The following PRSS3 variants were observed in gnomAD, a reference collection of about 807,000 sequenced individuals.
PRSS3 encodes the protein serine protease 3.
In PRSS3, 14 loss-of-function variants were observed where a neutral mutation model predicts 20.8. The observed-to-expected ratio is 0.67, with a 90% CI of 0.44 to 1.05. The LOEUF is 1.05. Among genes scored for constraint, PRSS3 ranks in the 50% least tolerant of loss-of-function variants. The pLI, the probability that PRSS3 is intolerant of heterozygous loss-of-function variation, is 0.00. For synonymous variants in PRSS3, 91 were observed against 117.6 expected (o/e 0.77, Z 1.46); for missense variants, 237 against 306.4 (o/e 0.77, Z 1.69).
At chr9:33,768,946 T>C (rs1823565111) in intron 1 of PRSS3, among the ~76,000 whole-genome samples, 1 of 152,192 alleles carries the variant, frequency 6.6e-6, no homozygotes, top group South Asian at 2.1e-4. Context: ...TTGGTTGAAA[T>C]ATGAATGTTA....
At chr9:33,761,587 T>G (rs1418388329) in intron 1 of PRSS3, among the ~76,000 whole-genome samples, 3 of 152,018 alleles carry the variant, frequency 2.0e-5, no homozygotes, top group African/African-American at 7.3e-5. Context: ...ATGCCTGTAA[T>G]CCCAGCTACT....
intron 1 of PRSS3, among the ~76,000 whole-genome samples, chr9:33,780,113 G>T (rs549472668): frequency 6.6e-6 from 1 of 151,912 alleles, no homozygotes; most frequent in Admixed American, 6.6e-5. Context: ...ACACATAGTC[G>T]TCAGATTCAC....
chr9:33,776,233 C>T (rs560958255), intron 1 of PRSS3, among the ~76,000 whole-genome samples: 1 of 152,060 alleles, frequency 6.6e-6, no homozygotes, highest in Non-Finnish European at 1.5e-5. Flanking sequence ...TAGAAATGAT[C>T]CAATTTGAAA....
chr9:33,783,112 G>C lies in PRSS3; in HGVS notation c.-52-11634G>C, dbSNP rs998066091. ...CGTTATTCTGAGTGAAAGAAACTTTGCATAGAAGAGTGTATGATGTTATTC... is the reference window on the plus strand; with the variant it reads ...CGTTATTCTGAGTGAAAGAAACTTTCCATAGAAGAGTGTATGATGTTATTC... On this transcript the variant is annotated intron_variant, in intron 1 of 5. Coordinates refer to the PRSS3 transcript ENST00000342836. Among the ~76,000 whole-genome samples the C allele has an allele frequency of 7.2e-5, 11 of 152,148 alleles. 1 individual carries two copies. Among genetic ancestry groups the C allele is most frequent in the Non-Finnish European group, 1.5e-4 (10 of 68,020 alleles).
intron 1 of PRSS3, among the ~76,000 whole-genome samples, chr9:33,766,496 CG>C (rs1420829621): frequency 6.6e-6 from 1 of 152,032 alleles, no homozygotes; most frequent in Non-Finnish European, 1.5e-5. Flanking sequence ...TGGCGTGAAC[CG>C]GGGAGGTGGA....
intron 1 of PRSS3, among the ~76,000 whole-genome samples, chr9:33,757,700 TCAC>T (rs1222810661): frequency 6.6e-6 from 1 of 152,146 alleles, no homozygotes; most frequent in East Asian, 1.9e-4. Flanking sequence ...TGCAACTCCA[TCAC>T]CCAGAATAGT....
intron 1 of PRSS3, among the ~76,000 whole-genome samples, chr9:33,751,222 G>T (rs1169635034): frequency 6.6e-6 from 1 of 152,218 alleles, no homozygotes; most frequent in Non-Finnish European, 1.5e-5. Context: ...CTGGGCACTG[G>T]TACCCCGACT....
chr9:33,786,539 A>C (rs1824419772), intron 1 of PRSS3: 2 of 765,272 alleles, frequency 2.6e-6, no homozygotes, highest in East Asian at 4.8e-5. Context: ...CTCTGTGTTC[A>C]GTGCTGTCAT....
chr9:33,793,040 T>C (rs1300869557), upstream of PRSS3, among the ~76,000 whole-genome samples: 1 of 152,266 alleles, frequency 6.6e-6, no homozygotes, highest in Non-Finnish European at 1.5e-5. Flanking sequence ...TATAGCTATC[T>C]TCTCTGCCTG....
At position 33,796,693 on chromosome 9, in the gene PRSS3, G is replaced by A. The variant is rs1437207116; in HGVS notation, c.91G>A (p.Glu31Lys). 9.2e-6 allele frequency: 10 copies of A among 1,081,306 alleles called. No homozygotes were observed. Among genetic ancestry groups the A allele is most frequent in the Non-Finnish European group, 1.1e-5 (9 of 786,786 alleles). The allele number at this position is 1,081,306 out of a possible 1,614,324, so 67.0% of individuals were successfully genotyped here. Residue 31 changes from glutamate to lysine, a missense_variant, in exon 2 of 5, where the codon GAG becomes AAG. Transcript: ENST00000379405. Reference sequence around the variant, plus strand: ...CAAGATTGTTGGGGGCTACACCTGTGAGGAGAATTCTCTCCCCTACCAGGT... The same window carrying A: ...CAAGATTGTTGGGGGCTACACCTGTAAGGAGAATTCTCTCCCCTACCAGGT... ...DDKIVGGYTCEENSLPYQVSL... is the reference protein window; with the variant it reads ...DDKIVGGYTCKENSLPYQVSL...
At chr9:33,774,737 G>C (rs528416922) in intron 1 of PRSS3, among the ~76,000 whole-genome samples, 6 of 152,112 alleles carry the variant, frequency 3.9e-5, no homozygotes, top group Non-Finnish European at 7.4e-5. Context: ...TGTAATCCCA[G>C]CACTTTGGGA....
chr9:33,759,990 G>A (rs1464129552), intron 1 of PRSS3, among the ~76,000 whole-genome samples: 1 of 152,212 alleles, frequency 6.6e-6, no homozygotes. Flanking sequence ...AAGAGGTGGA[G>A]AAGGCAGAGA....
chr9:33,752,677 C>T (rs1373644480), intron 1 of PRSS3, among the ~76,000 whole-genome samples: 1 of 152,200 alleles, frequency 6.6e-6, no homozygotes, highest in Admixed American at 6.5e-5. Context: ...CCAGCCCTCT[C>T]CCCGAAACCT....
rs933358629 is a variant in PRSS3, at chr9:33,750,690, G to C, written c.-90G>C. The C allele has an allele frequency of 1.4e-6, 2 of 1,451,100 alleles. No homozygotes were observed. The highest frequency in any genetic ancestry group is 1.8e-6 in the Non-Finnish European group (2 of 1,107,530). The allele number at this position is 1,451,100 out of a possible 1,614,324, so 89.9% of individuals were successfully genotyped here. On this transcript the variant is annotated 5_prime_UTR_variant, in exon 1 of 6. Transcript: ENST00000342836. The surrounding 1 kb of genome is among the most constrained non-coding windows in gnomAD (Gnocchi z 4.8). ...TTCTGGGTGGACGCACTTGGCGAGC[G>C]GCGCGGGATGCAGACGGCTGCGAGG...
chr9:33,798,184 C>G (rs1309297713), intron 3 of PRSS3, 102 bp downstream of exon 3: 2 of 1,572,482 alleles, frequency 1.3e-6, no homozygotes, highest in Non-Finnish European at 1.7e-6. Context: ...GCTTAAGACA[C>G]ATTTCTAGTG....
chr9:33,797,662 C>T (rs1340366240), intron 2 of PRSS3, among the ~76,000 whole-genome samples, 167 bp from the exon 3 acceptor site: 1 of 152,276 alleles, frequency 6.6e-6, no homozygotes, highest in African/African-American at 2.4e-5. Flanking sequence ...CTGGGTCTCA[C>T]ACCTGCACTG....
intron 1 of PRSS3, among the ~76,000 whole-genome samples, chr9:33,772,632 A>G (rs1339990690): frequency 6.6e-6 from 1 of 152,148 alleles, no homozygotes; most frequent in African/African-American, 2.4e-5. Context: ...ATCTCATGAA[A>G]AACCTTCTAG....
Position 33,799,160 on chromosome 9 carries a change from A to G in PRSS3, c.724A>G (p.Thr242Ala), listed in dbSNP as rs1825201068. 6.2e-7 allele frequency: 1 copy of G among 1,614,174 alleles called. No individual in the cohort carries two copies. The highest frequency in any genetic ancestry group is 8.5e-7 in the Non-Finnish European group (1 of 1,180,032). ...CAACTATGTGGACTGGATTAAGGAC[A>G]CCATCGCTGCCAACAGCTAAAGCCC... The part of the protein sequence containing the change: ...VYNYVDWIKD[T>A]IAANS The change falls in exon 5 of 5, where the codon ACC becomes GCC. Residue 242 changes from threonine to alanine, a missense_variant. By Grantham distance (58) the Thr-to-Ala change is moderately conservative. Transcript: ENST00000379405.
chr9:33,771,779 TTTTTCTTTTC>T (rs563051441), intron 1 of PRSS3, among the ~76,000 whole-genome samples: 2 of 151,448 alleles, frequency 1.3e-5, no homozygotes, highest in Admixed American at 6.6e-5. Context: ...CAGCTAATTT[TTTTTCTTTTC>T]TTTTCTTTTC....
Sources: allele counts gnomAD v4.1 joint callset (sites outside exome capture counted in the v4.1 genomes callset), GRCh38; gene constraint gnomAD v4.1.1; non-coding constraint Gnocchi (gnomAD v3.1); transcripts MANE v1.5; gene names NCBI Gene and HGNC (gene_info 2026-07-23, HGNC 2026-07-21).